The following TRIM66 variants were observed in gnomAD, a reference collection of about 807,000 sequenced individuals.
TRIM66 encodes the protein tripartite motif containing 66.
Under a neutral mutation model 148.2 loss-of-function variants are expected in TRIM66, and 99 were observed. The observed-to-expected ratio is 0.67, with a 90% CI of 0.57 to 0.79. The LOEUF (loss-of-function observed/expected upper bound fraction) is 0.79. Among genes scored for constraint, TRIM66 ranks in the 30% least tolerant of loss-of-function variants. The pLI is 0.00. For synonymous variants in TRIM66, 616 were observed against 635.9 expected (o/e 0.97, Z 0.47); for missense variants, 1,666 against 1,697.9 (o/e 0.98, Z 0.33).
chr11:8,640,209 A>T lies in TRIM66; in HGVS notation c.2148+18T>A. The T allele has an allele frequency of 6.5e-7, 1 of 1,547,452 alleles. No homozygotes were observed. Among genetic ancestry groups the T allele is most frequent in the East Asian group, 2.5e-5 (1 of 40,808 alleles). On this transcript the variant is annotated intron_variant, in intron 14 of 24. Transcript: ENST00000646038. ...TACGATGGGCAGAATATGCACGCCAAGCCACCCTGACGCTTACCTGCAGGG... is the reference window on the plus strand; with the variant it reads ...TACGATGGGCAGAATATGCACGCCATGCCACCCTGACGCTTACCTGCAGGG...
At chr11:8,648,174 C>A (rs2037036916) in intron 9 of TRIM66, 88 bp from the exon 10 acceptor site, 4 of 1,267,408 alleles carry the variant, frequency 3.2e-6, no homozygotes, top group Non-Finnish European at 4.5e-6. Context: ...AGGGAACTGT[C>A]TCAGCCAGAC....
intron 14 of TRIM66, among the ~76,000 whole-genome samples, chr11:8,639,439 A>C (rs973332268): frequency 2.0e-5 from 3 of 152,222 alleles, no homozygotes; most frequent in African/African-American, 7.2e-5. Context: ...CCAGGGGTAC[A>C]AACTGCACCT....
In TRIM66 at chr11:8,640,214, C is replaced by G; in HGVS notation, c.2148+13G>C. On this transcript the variant is annotated intron_variant, in intron 14 of 24. Transcript: ENST00000646038. ...TGGGCAGAATATGCACGCCAAGCCA[C>G]CCTGACGCTTACCTGCAGGGTCTCC... 6.5e-7 allele frequency: 1 copy of G among 1,549,352 alleles called. No individual in the cohort carries two copies. The highest frequency in any genetic ancestry group is 8.7e-7 in the Non-Finnish European group (1 of 1,145,396).
chr11:8,662,724 T>C (rs974575524), intron 6 of TRIM66, among the ~76,000 whole-genome samples: 49 of 152,354 alleles, frequency 3.2e-4, no homozygotes, highest in African/African-American at 1.2e-3. Flanking sequence ...CCAGCCATGA[T>C]TTGTCTTTTA....
At chr11:8,637,625 G>A (rs911109187) in intron 15 of TRIM66, among the ~76,000 whole-genome samples, 26 of 152,294 alleles carry the variant, frequency 1.7e-4, no homozygotes, top group African/African-American at 5.8e-4. Flanking sequence ...GCATTGCAAT[G>A]GTACAGAGCT....
intron 3 of TRIM66, 93 bp from the exon 4 acceptor site, chr11:8,674,976 T>C (rs573482024): frequency 3.9e-5 from 6 of 152,276 alleles, no homozygotes; most frequent in Non-Finnish European, 8.8e-5. Context: ...AGTAGTTTCT[T>C]AAATGTTATT....
intron 15 of TRIM66, among the ~76,000 whole-genome samples, chr11:8,628,636 A>AAAAAAAAAAAAAAAGAGAGAGAGAG (rs1555042270): frequency 2.1e-5 from 2 of 93,338 alleles, no homozygotes; most frequent in Admixed American, 1.2e-4. Context: ...AAAAAAAAAA[A>AAAAAAAAAAAAAAAGAGAGAGAGAG]AGAGAGAGAA....
At chr11:8,630,045 G>A (rs145547189) in intron 15 of TRIM66, among the ~76,000 whole-genome samples, 2 of 152,242 alleles carry the variant, frequency 1.3e-5, no homozygotes, top group African/African-American at 4.8e-5. Flanking sequence ...AAAACAAAAG[G>A]TACTTATTTC....
chr11:8,647,039 T>G (rs2036914675), intron 10 of TRIM66, among the ~76,000 whole-genome samples: 1 of 148,926 alleles, frequency 6.7e-6, no homozygotes, highest in African/African-American at 2.4e-5. Flanking sequence ...ATAATAAACA[T>G]ATTATATAAT....
At chr11:8,654,901 C>T (rs561850433) in intron 6 of TRIM66, among the ~76,000 whole-genome samples, 2 of 152,124 alleles carry the variant, frequency 1.3e-5, no homozygotes, top group African/African-American at 4.8e-5. Context: ...TGCTCTGTCA[C>T]CCAGGGTGGA....
chr11:8,683,150 C>T (rs2039521551), upstream of TRIM66: 2 of 1,548,490 alleles, frequency 1.3e-6, no homozygotes, highest in South Asian at 2.2e-5. Flanking sequence ...TGGCGGGCAT[C>T]GCCCCCTGCC....
chr11:8,619,047 G>A, intron 23 of TRIM66, 79 bp from the exon 24 acceptor site: 1 of 1,325,128 alleles, frequency 7.5e-7, no homozygotes, highest in East Asian at 2.5e-5. Context: ...GAGCTACACA[G>A]AGCACAAAGC....
At position 8,612,382 on chromosome 11, in the gene TRIM66, G is replaced by A. The variant is rs1218008679; in HGVS notation, c.*5562C>T. On this transcript the variant is annotated 3_prime_UTR_variant, in exon 25 of 25. Coordinates refer to ENST00000646038, the MANE Select transcript of TRIM66 (RefSeq NM_001388022.1). ...TTCCTTATGTGGCCTGATCTTGAGA[G>A]TTAAAATCATAATTAACATCTTTAC... 6.6e-6 allele frequency: 1 copy of A among 152,148 alleles called. No individual in the cohort carries two copies. Among genetic ancestry groups the A allele is most frequent in the Non-Finnish European group, 1.5e-5 (1 of 68,038 alleles). The allele number at this position is 152,148 out of a possible 1,614,324, so 9.4% of individuals were successfully genotyped here. A position where few individuals can be genotyped will look rare whatever the true frequency, so the allele number is the denominator to read the frequency against.
chr11:8,646,502 A>G lies in TRIM66; in HGVS notation c.902T>C (p.Met301Thr). 1 of 1,552,218 alleles carries G rather than the reference A, an allele frequency of 6.4e-7. No individual in the cohort carries two copies. The highest frequency in any genetic ancestry group is 8.7e-7 in the Non-Finnish European group (1 of 1,147,094). The change falls in exon 11 of 25, where the codon ATG (methionine) becomes ACG (threonine). Residue 301 changes from methionine (M) to threonine (T), a missense_variant. Physicochemically the swap from Met to Thr is moderately conservative, Grantham distance 81. Transcript: ENST00000646038. ...KVENQIKMAK[M>T]VLMNELNKQA... is the part of the protein sequence containing the mutation. Reference sequence around the variant, plus strand: ...TTTGTTCAGCTCATTCATCAGAACCATCTTGGCCATTTTGATCTGGTTTTC... The same window carrying G: ...TTTGTTCAGCTCATTCATCAGAACCGTCTTGGCCATTTTGATCTGGTTTTC...
At chr11:8,681,134 ATTT>A (rs72232543) in intron 1 of TRIM66, among the ~76,000 whole-genome samples, 53 of 141,500 alleles carry the variant, frequency 3.7e-4, no homozygotes, top group African/African-American at 1.0e-3. Context: ...GAATTTTGGA[ATTT>A]TTTTTTTTTT....
At chr11:8,634,453 G>C (rs113603104) in intron 15 of TRIM66, among the ~76,000 whole-genome samples, 2,487 of 152,312 alleles carry the variant, frequency 0.016, 48 homozygotes, top group Non-Finnish European at 0.019. Flanking sequence ...ATAGGCGTGA[G>C]CCACCACACC....
At position 8,620,113 on chromosome 11, in the gene TRIM66, C is replaced by A. The variant is rs772774208; in HGVS notation, c.3684G>T (p.Lys1228Asn). 1.3e-6 allele frequency: 2 copies of A among 1,551,738 alleles called. No individual in the cohort carries two copies. Among genetic ancestry groups the A allele is most frequent in the South Asian group, 2.4e-5 (2 of 84,062 alleles). Residue 1228 changes from lysine to asparagine, a missense_variant, in exon 22 of 25, where the codon AAG (lysine) becomes AAT (asparagine). Around this residue, in one of 3 missense-constraint regions of TRIM66, gnomAD observed 204 missense variants for 231.0 expected, o/e 0.88. Transcript: ENST00000646038. ...LSMYDQKKCE[K>N]LVLSLCCNNL... ...TATTGCAGCACAAGGACAATACCAG[C>A]TTCTCACACTTCTGCAAAATCAGAA...
At chr11:8,656,566 C>T (rs1007833239) in intron 6 of TRIM66, among the ~76,000 whole-genome samples, 2 of 152,228 alleles carry the variant, frequency 1.3e-5, no homozygotes, top group African/African-American at 4.8e-5. Context: ...TTTAGTCCAT[C>T]TGTCACAAGT....
In TRIM66 at chr11:8,640,563, A is replaced by G; in HGVS notation, c.1812T>C (p.Pro604=). 2 of 1,546,360 alleles carry G rather than the reference A, an allele frequency of 1.3e-6. No individual in the cohort carries two copies. The highest frequency in any genetic ancestry group is 1.4e-5 in the African/African-American group (1 of 72,338). ...GGGGATGGGGGAGGGGTGGTGGTGG[A>G]GGTGGTAGCTGCTGCTGTGGCTGCT... ...FQQQPQQQLP[P]PPPPLPHPPP... Residue 604 remains proline (P), a synonymous_variant, in exon 14 of 25, where the codon CCT becomes CCC. Transcript: ENST00000646038.
Sources: gnomAD v4.1 joint callset for allele counts (sites outside exome capture counted in the v4.1 genomes callset) on GRCh38, gnomAD v4.1.1 for gene constraint, gnomAD v4.1.1 regional missense constraint, MANE v1.5 for transcripts, NCBI Gene and HGNC (gene_info 2026-07-23, HGNC 2026-07-21) for gene names.